Variants in B3GLCT observed in about 807,000 individuals in gnomAD.
The protein encoded by B3GLCT is beta 3-glucosyltransferase.
A neutral mutation model predicts 63.4 loss-of-function variants in B3GLCT; 65 were observed. The observed-to-expected ratio is 1.03, with a 90% CI of 0.84 to 1.26. The LOEUF (loss-of-function observed/expected upper bound fraction) is 1.26. Among genes scored for constraint, B3GLCT ranks in the 50% most tolerant of loss-of-function variants. The pLI is 0.00. For synonymous variants in B3GLCT, 233 were observed against 219.2 expected, an observed-to-expected ratio of 1.06 and a Z score of -0.55; for missense variants, 577 against 604.8, an observed-to-expected ratio of 0.95 and a Z score of 0.48.
intron 12 of B3GLCT, among the ~76,000 whole-genome samples, chr13:31,301,467 A>G (rs1039596672): frequency 1.2e-4 from 19 of 152,254 alleles, no homozygotes; most frequent in Non-Finnish European, 4.4e-5. Flanking sequence ...GTCTCTTCCC[A>G]TAATGCAGTC....
At chr13:31,262,695 T>G (rs1305877700) in intron 7 of B3GLCT, among the ~76,000 whole-genome samples, 2 of 152,246 alleles carry the variant, frequency 1.3e-5, no homozygotes, top group East Asian at 3.8e-4. Flanking sequence ...TAGCCACCTT[T>G]GTTGAGTCTG....
In B3GLCT at chr13:31,323,815, G is replaced by GAT. The variant is rs1875459238; in HGVS notation, c.1250_1251dup (p.Ala418MetfsTer19). 6.2e-7 allele frequency: 1 copy of GAT among 1,614,134 alleles called. No homozygotes were observed. The highest frequency in any genetic ancestry group is 8.5e-7 in the Non-Finnish European group (1 of 1,179,992). Reference sequence around the variant, plus strand: ...CAGTAAATGTCGATGCTACAGCAATGATGCTCCCGATGATATGGTCCTGGG... The same window carrying GAT: ...CAGTAAATGTCGATGCTACAGCAATGATATGCTCCCGATGATATGGTCCTGGG... On this transcript the variant is annotated frameshift_variant, in exon 14 of 15. Coordinates refer to ENST00000343307, the MANE Select transcript of B3GLCT (RefSeq NM_194318.4). LOFTEE classifies it high-confidence loss of function.
intron 3 of B3GLCT, among the ~76,000 whole-genome samples, chr13:31,226,947 A>C (rs555123455): frequency 5.9e-5 from 9 of 152,202 alleles, no homozygotes; most frequent in African/African-American, 2.2e-4. Flanking sequence ...GGTATTTATC[A>C]TACTCATGTA....
chr13:31,230,416 G>C (rs1295286807), intron 4 of B3GLCT, among the ~76,000 whole-genome samples: 1 of 152,208 alleles, frequency 6.6e-6, no homozygotes, highest in Non-Finnish European at 1.5e-5. Context: ...ATATGTGCGT[G>C]ACAGATTGTT....
intron 2 of B3GLCT, among the ~76,000 whole-genome samples, chr13:31,221,025 C>T (rs1023634621): frequency 2.1e-4 from 32 of 152,102 alleles, no homozygotes; most frequent in African/African-American, 4.6e-4. Flanking sequence ...GCTGGGCAGG[C>T]GTTATCATGG....
intron 7 of B3GLCT, among the ~76,000 whole-genome samples, chr13:31,267,605 G>T (rs1474858783): frequency 6.6e-6 from 1 of 152,060 alleles, no homozygotes; most frequent in Non-Finnish European, 1.5e-5. Flanking sequence ...GTGGGAATGT[G>T]ACAGATATTA....
intron 12 of B3GLCT, among the ~76,000 whole-genome samples, chr13:31,316,410 TATATATATATATA>T (rs1875023397): frequency 1.1e-5 from 1 of 93,972 alleles, no homozygotes; most frequent in African/African-American, 3.9e-5. Context: ...GGAGGTTTTA[TATATATATATATA>T]TATATATAAA....
At chr13:31,201,785 T>A (rs563732005) in intron 1 of B3GLCT, among the ~76,000 whole-genome samples, 12 of 152,338 alleles carry the variant, frequency 7.9e-5, no homozygotes, top group Non-Finnish European at 1.8e-4. Context: ...CTGTCCAAAT[T>A]TGATAATACA....
At chr13:31,241,020 A>G (rs142471882) in intron 4 of B3GLCT, among the ~76,000 whole-genome samples, 128 of 152,282 alleles carry the variant, frequency 8.4e-4, no homozygotes, top group Non-Finnish European at 1.4e-3. Context: ...TCTTTTATAC[A>G]TGTGTCTTTA....
intron 10 of B3GLCT, chr13:31,283,240 A>G (rs897880272): frequency 5.9e-5 from 9 of 152,180 alleles, no homozygotes; most frequent in Non-Finnish European, 7.4e-5. Context: ...GCATTATGCA[A>G]TGGAGGATAT....
chr13:31,247,051 A>G lies in B3GLCT; in HGVS notation c.299A>G (p.Gln100Arg). ...CTCCCCAGTGTCCTCCTCCTTCATC[A>G]GCTGGCTAAACAAGAAGGTGCATGG... is the stretch of plus-strand genomic sequence containing the variant. ...QELPSVLLLH[Q>R]LAKQEGAWTI... The change falls in exon 5 of 15, where the codon CAG becomes CGG. Residue 100 changes from glutamine to arginine, a missense_variant. Coordinates refer to ENST00000343307, the MANE Select transcript of B3GLCT (RefSeq NM_194318.4). 1 of 1,610,660 alleles carries G rather than the reference A, an allele frequency of 6.2e-7. No individual in the cohort carries two copies. The highest frequency in any genetic ancestry group is 8.5e-7 in the Non-Finnish European group (1 of 1,179,514).
chr13:31,217,032 G>T (rs1593250603), intron 2 of B3GLCT, among the ~76,000 whole-genome samples: 1 of 152,212 alleles, frequency 6.6e-6, no homozygotes, highest in East Asian at 1.9e-4. Flanking sequence ...TCTTTCTGCA[G>T]TGGCTGAACT....
chr13:31,308,347 T>G (rs60897827), intron 12 of B3GLCT, among the ~76,000 whole-genome samples: 1 of 23,670 alleles, frequency 4.2e-5, no homozygotes, highest in Non-Finnish European at 1.2e-4. Flanking sequence ...AAAAAAAAAT[T>G]AAAAAAAAAA....
intron 12 of B3GLCT, among the ~76,000 whole-genome samples, chr13:31,313,250 G>T (rs1262062817): frequency 6.6e-6 from 1 of 152,170 alleles, no homozygotes; most frequent in Non-Finnish European, 1.5e-5. Flanking sequence ...TGTTACTATT[G>T]CTCTGTGAGA....
chr13:31,243,972 G>A (rs924122252), intron 4 of B3GLCT, among the ~76,000 whole-genome samples: 1 of 152,004 alleles, frequency 6.6e-6, no homozygotes, highest in East Asian at 1.9e-4. Flanking sequence ...TGCCTGTTAC[G>A]GCATTATCTC....
At chr13:31,298,365 T>C (rs917034934) in intron 12 of B3GLCT, among the ~76,000 whole-genome samples, 1 of 152,208 alleles carries the variant, frequency 6.6e-6, no homozygotes, top group East Asian at 1.9e-4. Flanking sequence ...TAATAACTAG[T>C]CTAGTCCACT....
At position 31,247,088 on chromosome 13, in the gene B3GLCT, G is replaced by A. The variant is rs751146291; in HGVS notation, c.336G>A (p.Pro112=). The change falls in exon 5 of 15, where the codon CCG becomes CCA. Residue 112 remains proline (P), a synonymous_variant. Transcript: ENST00000343307. ...AAGAAGGTGCATGGACCATACTTCC[G>A]TTGTTACCGCAGTACGTTTGTTTAA... ...AKQEGAWTIL[P]LLPHFSVTYS... The A allele has an allele frequency of 1.6e-5, 26 of 1,612,718 alleles. No individual in the cohort carries two copies. The highest frequency in any genetic ancestry group is 3.3e-5 in the Admixed American group (2 of 59,934).
At position 31,286,721 on chromosome 13, in the gene B3GLCT, T is replaced by A; in HGVS notation, c.966T>A (p.Gly322=). The change falls in exon 12 of 15, where the codon GGT becomes GGA. Residue 322 remains glycine, a splice_region_variant and synonymous_variant. Coordinates refer to ENST00000343307, the MANE Select transcript of B3GLCT (RefSeq NM_194318.4). ...AAGTTTTTTTCTTGCCTTTTCTAGG[T>A]CATTGTGGAAAGACATTTGCCATTT... is the stretch of plus-strand genomic sequence containing the variant. ...VDLGIPNTDR[G]HCGKTFAILE... The A allele has an allele frequency of 6.2e-6, 10 of 1,602,740 alleles. No homozygotes were observed. The highest frequency in any genetic ancestry group is 8.5e-6 in the Non-Finnish European group (10 of 1,170,028).
Position 31,300,718 on chromosome 13 carries a change from C to T in B3GLCT, c.1064+13899C>T, listed in dbSNP as rs114458475. Among the ~76,000 whole-genome samples the T allele has an allele frequency of 5.5e-3, 838 of 152,254 alleles. 12 individuals are homozygous for T. Among genetic ancestry groups the T allele is most frequent in the African/African-American group, 0.019 (805 of 41,530 alleles). Reference sequence around the variant, plus strand: ...CAGAAGGCAAAAATCTGAAAAACATCTCAAAAGACCAATCTTAGGTTCTAC... The same window carrying T: ...CAGAAGGCAAAAATCTGAAAAACATTTCAAAAGACCAATCTTAGGTTCTAC... On this transcript the variant is annotated intron_variant, in intron 12 of 14. Transcript: ENST00000343307.
Sources: allele counts gnomAD v4.1 joint callset (sites outside exome capture counted in the v4.1 genomes callset), GRCh38; gene constraint gnomAD v4.1.1; transcripts MANE v1.5; gene names NCBI Gene and HGNC (gene_info 2026-07-23, HGNC 2026-07-21).